LHX8: variants seen among roughly 807,000 people sequenced by gnomAD.
The protein encoded by LHX8 is LIM/homeobox protein Lhx8.
In LHX8, 12 loss-of-function variants were observed where a neutral mutation model predicts 40.3. The observed-to-expected ratio is 0.30, with a 90% CI of 0.19 to 0.48. The LOEUF is 0.48. LHX8 is among the 20% of genes least tolerant of loss of function. The pLI, the probability that LHX8 is intolerant of heterozygous loss-of-function variation, is 0.99. For missense variants in LHX8, 344 were observed against 433.7 expected, an observed-to-expected ratio of 0.79 and a Z score of 1.84; for synonymous variants, 179 against 162.0, an observed-to-expected ratio of 1.10 and a Z score of -0.80.
At chr1:75,184,678 A>G in the LHX8 span, among the ~76,000 whole-genome samples, 23 of 152,160 alleles carry the variant, frequency 1.5e-4, no homozygotes, top group Admixed American at 1.4e-3. Context: ...AAGATCTCAA[A>G]TTCACAACTT....
At chr1:75,179,843 A>C in the LHX8 span, among the ~76,000 whole-genome samples, 1 of 151,886 alleles carries the variant, frequency 6.6e-6, no homozygotes, top group Admixed American at 6.6e-5. Context: ...GTTCCTTTCC[A>C]TGTTTAGTGC....
At chr1:75,138,311 G>C (rs960085526) in intron 3 of LHX8, among the ~76,000 whole-genome samples, 4 of 152,180 alleles carry the variant, frequency 2.6e-5, no homozygotes, top group Non-Finnish European at 5.9e-5. Flanking sequence ...TAATTATGGA[G>C]AGTATGTGTT....
chr1:75,164,128 A>T (rs1419053593), downstream of LHX8, among the ~76,000 whole-genome samples: 1 of 152,260 alleles, frequency 6.6e-6, no homozygotes, highest in East Asian at 1.9e-4. Flanking sequence ...TTAGATAAAT[A>T]GGTTGTATCT....
the LHX8 span, among the ~76,000 whole-genome samples, chr1:75,177,098 C>T: frequency 1.3e-5 from 2 of 152,128 alleles, no homozygotes; most frequent in African/African-American, 4.8e-5. Context: ...AGTTTGAAGT[C>T]AGGTAGTGTG....
chr1:75,186,231 C>T, the LHX8 span, among the ~76,000 whole-genome samples: 1 of 152,134 alleles, frequency 6.6e-6, no homozygotes, highest in Admixed American at 6.5e-5. Context: ...ACTCAAACAA[C>T]CAAAGCAATC....
the LHX8 span, among the ~76,000 whole-genome samples, chr1:75,192,854 G>A: frequency 1.3e-5 from 2 of 151,916 alleles, no homozygotes; most frequent in Non-Finnish European, 2.9e-5. Flanking sequence ...CATCACACCA[G>A]GCTAATTTTT....
chr1:75,167,988 T>C, the LHX8 span, among the ~76,000 whole-genome samples: 277 of 152,378 alleles, frequency 1.8e-3, 1 homozygote, highest in Non-Finnish European at 2.9e-3. Context: ...CTCCCCAGCC[T>C]GCAGTTACTG....
In LHX8 at chr1:75,134,707, G is replaced by A. The variant is rs939011396; in HGVS notation, c.-260G>A. On this transcript the variant is annotated 5_prime_UTR_variant, in exon 1 of 9. Transcript: ENST00000356261. ...GGCAGTTCCCCCTGAGAAGGTGAGC[G>A]AGCCGACGCCTGGCCAGACCAGCTG... Among the ~76,000 whole-genome samples, 1 of 152,128 alleles carries A rather than the reference G, an allele frequency of 6.6e-6. No individual in the cohort carries two copies. Among genetic ancestry groups the A allele is most frequent in the African/African-American group, 2.4e-5 (1 of 41,430 alleles).
the LHX8 span, among the ~76,000 whole-genome samples, chr1:75,190,503 A>G: frequency 1.3e-5 from 2 of 152,168 alleles, no homozygotes; most frequent in African/African-American, 4.8e-5. Flanking sequence ...TTTTGTTTTC[A>G]CAAGATTGTT....
upstream of LHX8, chr1:75,131,327 G>T (rs567483321): frequency 6.1e-6 from 1 of 163,908 alleles, no homozygotes; most frequent in Non-Finnish European, 1.4e-5. Flanking sequence ...TACTCACCCC[G>T]AGGAGCTCAG....
the LHX8 span, among the ~76,000 whole-genome samples, chr1:75,188,181 T>G: frequency 6.6e-6 from 1 of 152,164 alleles, no homozygotes; most frequent in Admixed American, 6.5e-5. Context: ...TGTTTTGTTT[T>G]GCTTTTTTTT....
chr1:75,178,668 CTCCT>C, the LHX8 span, among the ~76,000 whole-genome samples: 1 of 152,110 alleles, frequency 6.6e-6, no homozygotes. Context: ...GTGTCTCTAT[CTCCT>C]TCAGTTCTGC....
chr1:75,152,592 T>G lies in LHX8; in HGVS notation c.780+3910T>G, dbSNP rs184164309. 4.2e-4 allele frequency among the ~76,000 whole-genome samples: 64 copies of G among 152,368 alleles called. 1 individual carries two copies. The East Asian group carries it at 0.012, about 28-fold the overall frequency. ...TATAAAATGCTGCCATGAGCAACAT[T>G]GTATATCTACCTTGCGTGCTTGTTC... On this transcript the variant is annotated intron_variant, in intron 7 of 8. Transcript: ENST00000356261.
chr1:75,179,499 G>GTTTT, the LHX8 span, among the ~76,000 whole-genome samples: 36 of 107,138 alleles, frequency 3.4e-4, no homozygotes, highest in Non-Finnish European at 5.1e-4. Flanking sequence ...TGCAACCCCT[G>GTTTT]TTGTTTTTTT....
At position 75,136,675 on chromosome 1, in the gene LHX8, G is replaced by A. The variant is rs1320852521; in HGVS notation, c.61G>A (p.Gly21Arg). The A allele has an allele frequency of 3.9e-6, 6 of 1,546,342 alleles. No individual in the cohort carries two copies. The highest frequency in any genetic ancestry group is 5.2e-6 in the Non-Finnish European group (6 of 1,146,510). Residue 21 changes from glycine to arginine, a missense_variant, in exon 2 of 9, where the codon GGG (glycine) becomes AGG (arginine). Gly to Arg is a moderately radical substitution (Grantham distance 125). Transcript: ENST00000356261. The stretch of plus-strand genomic sequence containing the variant: ...GGCCGGGAGGACTCGCAAAGGCGCC[G>A]GGGAAGAGGGACTGGTGAGTGCGGA... ...LAAGRTRKGA[G>R]EEGLVSPEGA...
At chr1:75,182,314 T>G in the LHX8 span, among the ~76,000 whole-genome samples, 1,716 of 152,140 alleles carry the variant, frequency 0.011, 39 homozygotes, top group African/African-American at 0.039. Context: ...GCTGTAAATA[T>G]TTAGCTTTAT....
At chr1:75,134,177 T>G (rs1557484174), upstream of LHX8, among the ~76,000 whole-genome samples, 1 of 151,896 alleles carries the variant, frequency 6.6e-6, no homozygotes, top group Non-Finnish European at 1.5e-5. Context: ...ATCCCCCAAT[T>G]TTTTTTTCTT....
chr1:75,180,314 C>T, the LHX8 span, among the ~76,000 whole-genome samples: 1 of 152,222 alleles, frequency 6.6e-6, no homozygotes, highest in South Asian at 2.1e-4. Context: ...CTCCCCGTCA[C>T]TTTCAGGTAC....
At chr1:75,182,179 C>T in the LHX8 span, among the ~76,000 whole-genome samples, 6 of 152,036 alleles carry the variant, frequency 3.9e-5, no homozygotes, top group South Asian at 2.1e-4. Flanking sequence ...TTTTGTGTAA[C>T]GTGAGAGATG....
Sources: allele counts gnomAD v4.1 joint callset (sites outside exome capture counted in the v4.1 genomes callset), GRCh38; gene constraint gnomAD v4.1.1; transcripts MANE v1.5; gene names NCBI Gene and HGNC (gene_info 2026-07-23, HGNC 2026-07-21).